The following USO1 variants were observed in gnomAD, a reference collection of about 807,000 sequenced individuals.
The protein encoded by USO1 is USO1 vesicle transport factor.
Under a neutral mutation model 124.5 loss-of-function variants are expected in USO1, and 57 were observed. The ratio of observed to expected loss-of-function variants is 0.46; its 90% CI spans 0.37 to 0.57. USO1 has a LOEUF of 0.57. Ranked by LOEUF, USO1 falls within the 20% of genes least tolerant of loss-of-function variation. The probability of loss-of-function intolerance (pLI) is 0.00; values close to 1 mark genes in which losing one functional copy is unlikely to be tolerated. For synonymous variants in USO1, 369 were observed against 362.8 expected, an observed-to-expected ratio of 1.02 and a Z score of -0.19; for missense variants, 900 against 1,040.6, an observed-to-expected ratio of 0.86 and a Z score of 1.86.
chr4:75,768,450 T>TA (rs35207814), intron 4 of USO1, among the ~76,000 whole-genome samples: 83,330 of 152,064 alleles, frequency 0.55, 24,096 homozygotes, highest in East Asian at 0.81. Flanking sequence ...TACTAGTATC[T>TA]ATTAATAGAA....
intron 1 of USO1, among the ~76,000 whole-genome samples, chr4:75,752,080 T>C (rs1190749712): frequency 1.3e-5 from 2 of 152,240 alleles, no homozygotes; most frequent in Admixed American, 1.3e-4. Flanking sequence ...ACAGTCATAA[T>C]AGGCCTAATT....
Position 75,800,436 on chromosome 4 carries a change from A to G in USO1, c.1649A>G (p.Tyr550Cys). The G allele has an allele frequency of 6.3e-7, 1 of 1,593,522 alleles. No individual in the cohort carries two copies. Among genetic ancestry groups the G allele is most frequent in the East Asian group, 2.3e-5 (1 of 44,340 alleles). ...LCALLLGISI[Y>C]FNDNSLESYM... The stretch of plus-strand genomic sequence containing the variant: ...GCCCTTTTGTTGGGCATTTCGATTT[A>G]TTTCAATGATAACTCACTTGAGAGC... The change falls in exon 15 of 24, where the codon TAT becomes TGT. Residue 550 changes from tyrosine to cysteine, a missense_variant. Transcript: ENST00000514213.
At chr4:75,812,522 T>C (rs987214103) in intron 23 of USO1, 147 bp downstream of exon 23, 6 of 1,063,402 alleles carry the variant, frequency 5.6e-6, no homozygotes, top group African/African-American at 3.2e-5. Flanking sequence ...TATACTGTTT[T>C]CACTGTTTTC....
chr4:75,773,813 A>G (rs567206992), intron 7 of USO1, among the ~76,000 whole-genome samples: 64 of 152,318 alleles, frequency 4.2e-4, no homozygotes, highest in Non-Finnish European at 7.1e-4. Context: ...TCTTATATGA[A>G]TACTTACCTA....
Position 75,747,426 on chromosome 4 carries a change from C to T in USO1, c.67-4947C>T, listed in dbSNP as rs112483480. Among the ~76,000 whole-genome samples the T allele has an allele frequency of 7.2e-5, 11 of 152,034 alleles. 1 individual carries two copies. The highest frequency in any genetic ancestry group is 2.7e-4 in the African/African-American group (11 of 41,486). Reference sequence around the variant, plus strand: ...GGAGTAGCTAGGACTACAAACATACCACCACGCCCACTTAATTTTTTTATT... The same window carrying T: ...GGAGTAGCTAGGACTACAAACATACTACCACGCCCACTTAATTTTTTTATT... On this transcript the variant is annotated intron_variant, in intron 1 of 23. Transcript: ENST00000514213.
At chr4:75,813,005 C>T (rs1033592888) in intron 23 of USO1, among the ~76,000 whole-genome samples, 1 of 151,904 alleles carries the variant, frequency 6.6e-6, no homozygotes, top group East Asian at 1.9e-4. Context: ...CCCAGCTACT[C>T]GGGAGGCTGA....
intron 9 of USO1, among the ~76,000 whole-genome samples, chr4:75,784,190 T>A (rs576152282): frequency 3.9e-5 from 6 of 152,166 alleles, no homozygotes; most frequent in Non-Finnish European, 7.3e-5. Flanking sequence ...CTGACTGGAT[T>A]TTTTATTTTT....
In USO1 at chr4:75,724,865, C is replaced by G; in HGVS notation, c.46C>G (p.Gln16Glu). 6.2e-7 allele frequency: 1 copy of G among 1,613,678 alleles called. No homozygotes were observed. The highest frequency in any genetic ancestry group is 8.5e-7 in the Non-Finnish European group (1 of 1,179,760). ...AATGGGGGGTCAGAGTGCCGGACCC[C>G]AGCACACAGAAGCCGAGACGGTGAG... ...GVMGGQSAGP[Q>E]HTEAETIQKL... The change falls in exon 1 of 24, where the codon CAG becomes GAG. Residue 16 changes from glutamine (Q) to glutamate (E), a missense_variant. Gln to Glu is a conservative substitution (Grantham distance 29). Around this residue, in one of 2 missense-constraint regions of USO1, gnomAD observed 538 missense variants for 681.6 expected, o/e 0.79. Coordinates refer to ENST00000514213, the MANE Select transcript of USO1 (RefSeq NM_003715.4).
chr4:75,795,664 C>A (rs1017344750), intron 13 of USO1, among the ~76,000 whole-genome samples: 8 of 151,966 alleles, frequency 5.3e-5, no homozygotes, highest in African/African-American at 1.9e-4. Context: ...TCCAAGCTTG[C>A]CTATTTATTT....
chr4:75,731,813 T>G (rs1394407118), intron 1 of USO1, among the ~76,000 whole-genome samples: 1 of 152,230 alleles, frequency 6.6e-6, no homozygotes, highest in Non-Finnish European at 1.5e-5. Flanking sequence ...TTGCCATTCC[T>G]GTTCTTTATT....
rs1010772371 is a variant in USO1, at chr4:75,743,833, G to C, written c.67-8540G>C. ...GCTCTGTCACCTAGGCTGGAGTGCA[G>C]TGGCGCGATCTTGGCTCACTGCAAG... On this transcript the variant is annotated intron_variant, in intron 1 of 23. Coordinates refer to ENST00000514213, the MANE Select transcript of USO1 (RefSeq NM_003715.4). 3.3e-5 allele frequency among the ~76,000 whole-genome samples: 5 copies of C among 152,108 alleles called. 1 individual carries two copies. The highest frequency in any genetic ancestry group is 2.0e-4 in the Admixed American group (3 of 15,268).
intron 18 of USO1, among the ~76,000 whole-genome samples, chr4:75,804,744 T>C (rs150627723): frequency 1.3e-5 from 2 of 152,334 alleles, no homozygotes; most frequent in South Asian, 2.1e-4. Flanking sequence ...CTAAATGATA[T>C]AATAAATGAA....
In USO1 at chr4:75,770,458, G is replaced by T; in HGVS notation, c.315G>T (p.Gln105His). The change falls in exon 5 of 24, where the codon CAG becomes CAT. Residue 105 changes from glutamine to histidine, a missense_variant. This residue lies in a region of USO1 where 538 missense variants were observed against 681.6 expected (regional missense o/e 0.79). Transcript: ENST00000514213. ...TTACAGAAGAAAATTCCACAAGACA[G>T]AGTGAAGATTTGGGAAGCCAATTTA... Reference protein sequence around the residue: ...EEEVEENSTRQSEDLGSQFTE... With the variant: ...EEEVEENSTRHSEDLGSQFTE... The T allele has an allele frequency of 1.3e-6, 2 of 1,586,096 alleles. No individual in the cohort carries two copies. The highest frequency in any genetic ancestry group is 1.2e-5 in the South Asian group (1 of 85,792).
At chr4:75,762,402 T>G (rs1721637663) in intron 4 of USO1, among the ~76,000 whole-genome samples, 1 of 151,912 alleles carries the variant, frequency 6.6e-6, no homozygotes, top group Non-Finnish European at 1.5e-5. Context: ...GACTTCATGA[T>G]CCGCCCTTCT....
chr4:75,812,321 T>A lies in USO1; in HGVS notation c.2745T>A (p.Asp915Glu). The change falls in exon 23 of 24, where the codon GAT becomes GAA. Residue 915 changes from aspartate (D) to glutamate (E), a missense_variant. Physicochemically the swap from Asp to Glu is conservative, Grantham distance 45 (BLOSUM62 2). Coordinates refer to ENST00000514213, the MANE Select transcript of USO1 (RefSeq NM_003715.4). Reference sequence around the variant, plus strand: ...ATGATCTCTTGGTGCTCTTGGCCGATCAAGATCAGAAAATACTGTCATTGA... The same window carrying A: ...ATGATCTCTTGGTGCTCTTGGCCGAACAAGATCAGAAAATACTGTCATTGA... ...EQDDLLVLLADQDQKILSLKN... is the reference protein window; with the variant it reads ...EQDDLLVLLAEQDQKILSLKN... The A allele has an allele frequency of 6.2e-7, 1 of 1,604,920 alleles. No homozygotes were observed. Among genetic ancestry groups the A allele is most frequent in the Non-Finnish European group, 8.5e-7 (1 of 1,175,464 alleles).
At chr4:75,774,606 A>G in intron 7 of USO1, 70 bp from the exon 8 acceptor site, 1 of 1,515,778 alleles carries the variant, frequency 6.6e-7, no homozygotes, top group South Asian at 1.3e-5. Context: ...AAATTCTGTG[A>G]TTTTTGAAGT....
At chr4:75,757,692 C>T (rs1721487022) in intron 4 of USO1, 119 bp downstream of exon 4, 1 of 1,001,720 alleles carries the variant, frequency 1.0e-6, no homozygotes, top group African/African-American at 1.7e-5. Flanking sequence ...TTACTTTTTT[C>T]ATTAAAAAAT....
chr4:75,805,352 C>T (rs758769771), intron 19 of USO1, 49 bp downstream of exon 19: 105 of 1,454,798 alleles, frequency 7.2e-5, no homozygotes, highest in East Asian at 5.9e-4. Flanking sequence ...GAGTGGTTCT[C>T]ATTATCCTGC....
chr4:75,734,709 G>A (rs1326606121), intron 1 of USO1, among the ~76,000 whole-genome samples: 1 of 131,296 alleles, frequency 7.6e-6, no homozygotes, highest in African/African-American at 2.8e-5. Flanking sequence ...ATTGCTTTGG[G>A]CAGTATGGCT....
Sources: gnomAD v4.1 joint callset for allele counts (sites outside exome capture counted in the v4.1 genomes callset) on GRCh38, gnomAD v4.1.1 for gene constraint, gnomAD v4.1.1 regional missense constraint, MANE v1.5 for transcripts, NCBI Gene and HGNC (gene_info 2026-07-23, HGNC 2026-07-21) for gene names.